SMYD1: variants seen among roughly 807,000 people sequenced by gnomAD.
The protein encoded by SMYD1 is histone-lysine N-methyltransferase SMYD1.
A neutral mutation model predicts 54.0 loss-of-function variants in SMYD1; 49 were observed. The ratio of observed to expected loss-of-function variants is 0.91; its 90% CI spans 0.72 to 1.15. The LOEUF (loss-of-function observed/expected upper bound fraction) is 1.15. Among genes scored for constraint, SMYD1 ranks in the 50% most tolerant of loss-of-function variants. SMYD1 has a pLI of 0.00. For synonymous variants in SMYD1, 269 were observed against 234.2 expected (o/e 1.15, Z -1.36); for missense variants, 653 against 639.6 (o/e 1.02, Z -0.23).
chr2:88,082,267 T>C (rs550783265), intron 1 of SMYD1, among the ~76,000 whole-genome samples: 28 of 152,330 alleles, frequency 1.8e-4, no homozygotes, highest in African/African-American at 6.7e-4. Context: ...GCTGTTACTA[T>C]GAGGATAACC....
At chr2:88,068,337 A>G (rs1235560623) in intron 1 of SMYD1, among the ~76,000 whole-genome samples, 1 of 152,144 alleles carries the variant, frequency 6.6e-6, no homozygotes, top group Non-Finnish European at 1.5e-5. Flanking sequence ...AGAAAGCTCT[A>G]TATTTTTAGC....
intron 1 of SMYD1, among the ~76,000 whole-genome samples, chr2:88,073,293 C>A (rs763413584): frequency 1.1e-4 from 17 of 152,256 alleles, no homozygotes; most frequent in Admixed American, 3.9e-4. Context: ...ACCAGGTTTT[C>A]TTTATACAAT....
intron 2 of SMYD1, among the ~76,000 whole-genome samples, chr2:88,086,104 G>A (rs1463925348): frequency 1.3e-5 from 2 of 152,202 alleles, no homozygotes; most frequent in Admixed American, 6.5e-5. Context: ...ATTCATGAGT[G>A]TAAGTAAAAC....
chr2:88,067,859 T>G lies in SMYD1; in HGVS notation c.-6T>G, dbSNP rs748420101. ...TAACTGCCGCGCTGGCCTGACAGTC[T>G]CTGAGATGACAATAGGGAGAATGGA... On this transcript the variant is annotated 5_prime_UTR_variant, in exon 1 of 10. Transcript: ENST00000419482. 5.0e-6 allele frequency: 8 copies of G among 1,613,236 alleles called. No individual in the cohort carries two copies. The South Asian group carries it at 5.5e-5, about 11-fold the overall frequency.
chr2:88,094,497 G>C (rs1219559810), intron 5 of SMYD1, among the ~76,000 whole-genome samples: 2 of 152,178 alleles, frequency 1.3e-5, no homozygotes, highest in African/African-American at 2.4e-5. Context: ...GTTGGAGGGA[G>C]AGCCAGGGCT....
At chr2:88,078,897 C>A (rs745477521) in intron 1 of SMYD1, among the ~76,000 whole-genome samples, 121 of 152,364 alleles carry the variant, frequency 7.9e-4, no homozygotes, top group Non-Finnish European at 8.1e-4. Flanking sequence ...AGAACGATAA[C>A]TTAATGCTTC....
In SMYD1 at chr2:88,110,200, AGT is replaced by A. The variant is rs3222709; in HGVS notation, c.1315-121_1315-120del. Among the ~76,000 whole-genome samples, 363 of 139,066 alleles carry A rather than the reference AGT, an allele frequency of 2.6e-3. 1 individual carries two copies. The highest frequency in any genetic ancestry group is 8.0e-3 in the African/African-American group (285 of 35,796). 91.2% of individuals were successfully genotyped at this position (139,066 alleles called of 152,430 possible). A position where few individuals can be genotyped will look rare whatever the true frequency, so the allele number is the denominator to read the frequency against. On this transcript the variant is annotated intron_variant, in intron 9 of 9. Transcript: ENST00000419482. ...CAGGACATTAGGCCCTTGATGAATG[AGT>A]GTGTGTGTGTGTGTGTGTGTGTGTG... is the stretch of plus-strand genomic sequence containing the variant.
At position 88,096,770 on chromosome 2, in the gene SMYD1, A is replaced by C. The variant is rs1208695346; in HGVS notation, c.874A>C (p.Lys292Gln). The change falls in exon 6 of 10, where the codon AAA becomes CAA. Residue 292 changes from lysine (K) to glutamine (Q), a missense_variant. Physicochemically the swap from Lys to Gln is moderately conservative, Grantham distance 53. Transcript: ENST00000419482. ...KLKDDLFLGV[K>Q]DNPKPSQEVV... is the part of the protein sequence containing the mutation. ...GAAGGATGACCTCTTCCTGGGGGTG[A>C]AAGACAACCCCAAGGTACACACAGC... 5.0e-6 allele frequency: 8 copies of C among 1,613,408 alleles called. No homozygotes were observed. The highest frequency in any genetic ancestry group is 6.8e-6 in the Non-Finnish European group (8 of 1,179,740).
Position 88,068,005 on chromosome 2 carries a change from T to C in SMYD1, c.137+4T>C, listed in dbSNP as rs759554051. 6 of 1,612,182 alleles carry C rather than the reference T, an allele frequency of 3.7e-6. No homozygotes were observed. Among genetic ancestry groups the C allele is most frequent in the Non-Finnish European group, 5.1e-6 (6 of 1,179,392 alleles). On this transcript the variant is annotated splice_donor_region_variant and intron_variant, in intron 1 of 9. Transcript: ENST00000419482. ...ATTCCGCAGTGGTTTTTGACAGGTA[T>C]GAAATGTGGGGAGTTGCCTTCTCTC...
rs555011993 is a variant in SMYD1, at chr2:88,085,250, C to T, written c.314+758C>T. 4.6e-5 allele frequency among the ~76,000 whole-genome samples: 7 copies of T among 152,314 alleles called. No individual in the cohort carries two copies. In the South Asian group the frequency reaches 1.2e-3, roughly 27 times the overall value. On this transcript the variant is annotated intron_variant, in intron 2 of 9. Transcript: ENST00000419482. ...CTAAGTCACAGCAGCACCACTGCTC[C>T]CTGTGGTCATACACATTACACCAGA... is the stretch of plus-strand genomic sequence containing the variant.
At chr2:88,096,192 A>G (rs1674581542) in intron 5 of SMYD1, among the ~76,000 whole-genome samples, 2 of 152,228 alleles carry the variant, frequency 1.3e-5, no homozygotes, top group African/African-American at 4.8e-5. Flanking sequence ...CAAACTAACC[A>G]GAAAATATTT....
chr2:88,088,117 C>T (rs1164415151), intron 3 of SMYD1, 42 bp downstream of exon 3: 3 of 1,550,592 alleles, frequency 1.9e-6, no homozygotes, highest in South Asian at 2.5e-5. Context: ...CTGTCTGTCT[C>T]CTCTTTCCTT....
intron 1 of SMYD1, among the ~76,000 whole-genome samples, chr2:88,075,332 C>G (rs1365914243): frequency 6.6e-6 from 1 of 152,078 alleles, no homozygotes; most frequent in Non-Finnish European, 1.5e-5. Flanking sequence ...GCTATCTTTA[C>G]CCACTCGCAT....
intron 2 of SMYD1, among the ~76,000 whole-genome samples, chr2:88,086,986 C>A (rs1382712266): frequency 1.0e-5 from 1 of 100,372 alleles, no homozygotes; most frequent in African/African-American, 3.9e-5. Context: ...CCTCCCCCCT[C>A]CCCCCACCCC....
rs1300630201 is a variant in SMYD1 at position 88,084,430 on chromosome 2, G to A, written c.252G>A (p.Leu84=). 1 of 1,607,196 alleles carries A rather than the reference G, an allele frequency of 6.2e-7. No individual in the cohort carries two copies. The highest frequency in any genetic ancestry group is 2.2e-5 in the East Asian group (1 of 44,704). ...CDRTCQKDAW[L]NHKNECSAIK... is the part of the protein sequence containing the mutation. ...GCACCTGCCAGAAGGATGCTTGGCT[G>A]AACCACAAGAATGAATGTTCGGCCA... The change falls in exon 2 of 10, where the codon CTG becomes CTA. Residue 84 remains leucine (L), a synonymous_variant. Coordinates refer to ENST00000419482, the MANE Select transcript of SMYD1 (RefSeq NM_198274.4).
In SMYD1 at chr2:88,099,122, T is replaced by C. The variant is rs538784244; in HGVS notation, c.888+2338T>C. Among the ~76,000 whole-genome samples the C allele has an allele frequency of 7.2e-5, 11 of 152,296 alleles. No homozygotes were observed. The East Asian group carries it at 2.1e-3, about 30-fold the overall frequency. Reference sequence around the variant, plus strand: ...TTATTTTTGAGACGAGGTTTCACTCTGTCACCCAGGCTGGAGTGCAGTGGT... The same window carrying C: ...TTATTTTTGAGACGAGGTTTCACTCCGTCACCCAGGCTGGAGTGCAGTGGT... On this transcript the variant is annotated intron_variant, in intron 6 of 9. Coordinates refer to ENST00000419482, the MANE Select transcript of SMYD1 (RefSeq NM_198274.4).
intron 7 of SMYD1, among the ~76,000 whole-genome samples, chr2:88,106,065 T>C (rs1170471705): frequency 1.3e-5 from 2 of 152,126 alleles, no homozygotes; most frequent in Non-Finnish European, 2.9e-5. Context: ...TTTCATAGCT[T>C]CCTGCTACCT....
At chr2:88,075,207 C>A (rs1307875665) in intron 1 of SMYD1, among the ~76,000 whole-genome samples, 5 of 152,288 alleles carry the variant, frequency 3.3e-5, no homozygotes. Flanking sequence ...TGTTACACAA[C>A]CTGTTGTGAG....
chr2:88,090,871 G>A lies in SMYD1; in HGVS notation c.529-141G>A, dbSNP rs938986306. ...ATCTGGAGTCACGCAGAGAACAGGAGACTAATTGTTCTGTGTCCAGACTCC... is the reference window on the plus strand; with the variant it reads ...ATCTGGAGTCACGCAGAGAACAGGAAACTAATTGTTCTGTGTCCAGACTCC... On this transcript the variant is annotated intron_variant, in intron 3 of 9. Coordinates refer to ENST00000419482, the MANE Select transcript of SMYD1 (RefSeq NM_198274.4). 2 of 895,726 alleles carry A rather than the reference G, an allele frequency of 2.2e-6. 1 individual carries two copies. The highest frequency in any genetic ancestry group is 3.4e-6 in the Non-Finnish European group (2 of 588,658). The allele number at this position is 895,726 out of a possible 1,614,324, so 55.5% of individuals were successfully genotyped here.
Sources: gnomAD v4.1 joint callset for allele counts (sites outside exome capture counted in the v4.1 genomes callset) on GRCh38, gnomAD v4.1.1 for gene constraint, MANE v1.5 for transcripts, NCBI Gene and HGNC (gene_info 2026-07-23, HGNC 2026-07-21) for gene names.